Variants in DNM3 observed in about 807,000 individuals in gnomAD.
DNM3 encodes the protein dynamin-3.
DNM3 carries 47 observed loss-of-function variants against 101.6 expected under a neutral mutation model. The observed-to-expected ratio is 0.46, with a 90% CI of 0.37 to 0.59. The LOEUF (loss-of-function observed/expected upper bound fraction) is 0.59. Ranked by LOEUF, DNM3 falls within the 20% of genes least tolerant of loss-of-function variation. The pLI is 0.00. For missense variants in DNM3, 849 were observed against 1,085.7 expected (o/e 0.78, Z 3.06); for synonymous variants, 385 against 387.9 (o/e 0.99, Z 0.09).
intron 4 of DNM3, among the ~76,000 whole-genome samples, chr1:172,021,763 C>A (rs960991790): frequency 6.6e-6 from 1 of 152,202 alleles, no homozygotes; most frequent in Non-Finnish European, 1.5e-5. Flanking sequence ...CCTATCAATA[C>A]TCATCATTGT....
chr1:172,178,137 C>T (rs1405749204), intron 14 of DNM3, among the ~76,000 whole-genome samples: 4 of 151,762 alleles, frequency 2.6e-5, no homozygotes, highest in Non-Finnish European at 5.9e-5. Context: ...ATTAGTGTAT[C>T]TAAACATATC....
At chr1:172,250,855 A>G (rs12075079) in intron 14 of DNM3, among the ~76,000 whole-genome samples, 25,112 of 152,064 alleles carry the variant, frequency 0.17, 2,427 homozygotes, top group East Asian at 0.24. Context: ...TAGTGCTATC[A>G]GTAGAAATTT....
intron 13 of DNM3, among the ~76,000 whole-genome samples, chr1:172,110,149 A>G (rs146297734): frequency 2.6e-4 from 39 of 151,890 alleles, no homozygotes; most frequent in Middle Eastern, 6.8e-3. Context: ...TGCCCCTGAC[A>G]CTCCTGAATT....
intron 1 of DNM3, among the ~76,000 whole-genome samples, chr1:171,861,510 T>C (rs2034174988): frequency 6.6e-6 from 1 of 152,126 alleles, no homozygotes. Context: ...TTTCAACAAA[T>C]GGTACTGGGA....
At chr1:172,143,525 C>A (rs1299533389) in intron 14 of DNM3, among the ~76,000 whole-genome samples, 3 of 151,976 alleles carry the variant, frequency 2.0e-5, no homozygotes, top group African/African-American at 4.8e-5. Context: ...CTCCCCCTCT[C>A]CCACCCTCTT....
At chr1:172,302,522 C>A (rs1052588182) in intron 15 of DNM3, among the ~76,000 whole-genome samples, 11 of 152,228 alleles carry the variant, frequency 7.2e-5, no homozygotes, top group Non-Finnish European at 1.0e-4. Flanking sequence ...AGCAGTGGTT[C>A]TCCCAGCATG....
At chr1:172,413,388 G>C (rs955369839), downstream of DNM3, among the ~76,000 whole-genome samples, 1 of 152,092 alleles carries the variant, frequency 6.6e-6, no homozygotes, top group Non-Finnish European at 1.5e-5. Context: ...CACCACGCCC[G>C]GCTAATTTTT....
In DNM3 at chr1:172,019,923, T is replaced by G. The variant is rs111841310; in HGVS notation, c.590-12479T>G. ...TTAGGATGTTAATCACAGTTTGTTT[T>G]TTTTTTATTCCCAGTCTGATAACTC... On this transcript the variant is annotated intron_variant, in intron 4 of 20. Transcript: ENST00000627582. 8.7e-5 allele frequency among the ~76,000 whole-genome samples: 13 copies of G among 148,978 alleles called. No homozygotes were observed. In the South Asian group the frequency reaches 1.0e-3, roughly 12 times the overall value.
At chr1:172,157,275 C>T (rs759844764) in intron 14 of DNM3, among the ~76,000 whole-genome samples, 1 of 152,020 alleles carries the variant, frequency 6.6e-6, no homozygotes, top group Non-Finnish European at 1.5e-5. Context: ...TGGGTTTGCA[C>T]TCCTGTGAGA....
intron 2 of DNM3, among the ~76,000 whole-genome samples, chr1:171,969,426 A>G (rs557709406): frequency 1.3e-5 from 2 of 152,262 alleles, no homozygotes; most frequent in Admixed American, 1.3e-4. Flanking sequence ...TGGGAACACG[A>G]GGGGCTGAAC....
intron 14 of DNM3, among the ~76,000 whole-genome samples, chr1:172,242,950 T>G: frequency 6.6e-6 from 1 of 152,182 alleles, no homozygotes; most frequent in Non-Finnish European, 1.5e-5. Context: ...TCTTCTCTCT[T>G]AGAAAGCTTT....
At chr1:172,302,201 G>T (rs983214931) in intron 15 of DNM3, among the ~76,000 whole-genome samples, 1 of 152,218 alleles carries the variant, frequency 6.6e-6, no homozygotes, top group Non-Finnish European at 1.5e-5. Flanking sequence ...TTAGCAAATG[G>T]CACACCAGGA....
At chr1:172,007,694 C>T (rs2046789274) in intron 4 of DNM3, among the ~76,000 whole-genome samples, 1 of 151,994 alleles carries the variant, frequency 6.6e-6, no homozygotes, top group Non-Finnish European at 1.5e-5. Context: ...TTAGACTTTG[C>T]CTAACCCAAG....
At chr1:171,993,204 C>G (rs2045751840) in intron 4 of DNM3, among the ~76,000 whole-genome samples, 1 of 151,700 alleles carries the variant, frequency 6.6e-6, no homozygotes, top group Admixed American at 6.6e-5. Flanking sequence ...TCAGTTTTTC[C>G]TGGGTATTTG....
chr1:172,261,254 G>C (rs2062632539), intron 15 of DNM3, among the ~76,000 whole-genome samples: 1 of 152,126 alleles, frequency 6.6e-6, no homozygotes, highest in African/African-American at 2.4e-5. Context: ...CTTCTAATTT[G>C]TTTGAAATTG....
At chr1:172,277,255 T>C (rs531953579) in intron 15 of DNM3, among the ~76,000 whole-genome samples, 67 of 152,220 alleles carry the variant, frequency 4.4e-4, no homozygotes, top group African/African-American at 1.5e-3. Flanking sequence ...TTAACGTTTG[T>C]ATAAGTAATC....
intron 17 of DNM3, chr1:172,376,364 CT>C (rs2068601280): frequency 6.6e-6 from 1 of 151,932 alleles, no homozygotes; most frequent in African/African-American, 2.4e-5. Flanking sequence ...TTTACATTTC[CT>C]TGATGAGGAT....
At chr1:171,844,153 G>T (rs1303462510) in intron 1 of DNM3, among the ~76,000 whole-genome samples, 3 of 152,122 alleles carry the variant, frequency 2.0e-5, no homozygotes, top group Non-Finnish European at 4.4e-5. Flanking sequence ...GGAAAATGGA[G>T]TTTTCTATTT....
intron 17 of DNM3, among the ~76,000 whole-genome samples, chr1:172,359,254 C>T (rs972767840): frequency 8.6e-5 from 13 of 151,764 alleles, no homozygotes; most frequent in Admixed American, 6.6e-4. Context: ...ACCAGCCAGC[C>T]GTTGTGTAAG....
Sources: allele counts gnomAD v4.1 joint callset (sites outside exome capture counted in the v4.1 genomes callset), GRCh38; gene constraint gnomAD v4.1.1; transcripts MANE v1.5; gene names NCBI Gene and HGNC (gene_info 2026-07-23, HGNC 2026-07-21).